Variants in CD84 observed in about 807,000 individuals in gnomAD.
CD84 encodes SLAM family member 5.
In CD84, 22 loss-of-function variants were observed where a neutral mutation model predicts 33.8. The observed-to-expected ratio is 0.65, with a 90% CI of 0.46 to 0.93. The LOEUF (loss-of-function observed/expected upper bound fraction) is 0.93, where lower values mean the gene tolerates loss of function less well. CD84 is among the 40% of genes least tolerant of loss of function. The pLI, the probability that CD84 is intolerant of heterozygous loss-of-function variation, is 0.00. For missense variants in CD84, 400 were observed against 397.6 expected, an observed-to-expected ratio of 1.01 and a Z score of -0.05; for synonymous variants, 154 against 145.2, an observed-to-expected ratio of 1.06 and a Z score of -0.44.
chr1:160,552,737 C>A, intron 4 of CD84: 3 of 1,546,924 alleles, frequency 1.9e-6, no homozygotes, highest in Non-Finnish European at 2.6e-6. Flanking sequence ...CAAGCAGGAA[C>A]CTGAGGAATC....
chr1:160,550,734 C>T (rs754715671), intron 5 of CD84: 729 of 985,204 alleles, frequency 7.4e-4, no homozygotes, highest in Non-Finnish European at 8.4e-4. Flanking sequence ...ATGGAGGCTG[C>T]CATGGGGTGA....
intron 2 of CD84, among the ~76,000 whole-genome samples, chr1:160,558,541 C>T (rs961273988): frequency 1.3e-5 from 2 of 152,054 alleles, no homozygotes; most frequent in African/African-American, 4.8e-5. Context: ...AGAATTAATG[C>T]AAAAATGCTG....
At chr1:160,555,373 G>A (rs79705074) in intron 2 of CD84, among the ~76,000 whole-genome samples, 3 of 151,948 alleles carry the variant, frequency 2.0e-5, no homozygotes, top group Non-Finnish European at 4.4e-5. Flanking sequence ...GTGAGCCACC[G>A]CACCCAGCCA....
At chr1:160,576,898 G>A (rs1465093578) in intron 1 of CD84, among the ~76,000 whole-genome samples, 1 of 152,094 alleles carries the variant, frequency 6.6e-6, no homozygotes, top group African/African-American at 2.4e-5. Context: ...GATAAGACAG[G>A]GAGTTGAAGA....
chr1:160,564,989 T>C (rs141471473), intron 2 of CD84, among the ~76,000 whole-genome samples: 3 of 152,326 alleles, frequency 2.0e-5, no homozygotes, highest in African/African-American at 7.2e-5. Flanking sequence ...TTATGCAAGG[T>C]GTTAACACAG....
At chr1:160,575,946 T>C (rs11265438) in intron 1 of CD84, among the ~76,000 whole-genome samples, 130,187 of 152,150 alleles carry the variant, frequency 0.86, 56,345 homozygotes, top group Non-Finnish European at 0.93. Flanking sequence ...GGAACAGCTT[T>C]CCACCCTCTG....
At chr1:160,559,062 G>C (rs1656783951) in intron 2 of CD84, among the ~76,000 whole-genome samples, 1 of 152,162 alleles carries the variant, frequency 6.6e-6, no homozygotes, top group Admixed American at 6.5e-5. Context: ...CATACTTCAA[G>C]ATATCATCCA....
chr1:160,566,490 A>C (rs926710619), intron 1 of CD84, among the ~76,000 whole-genome samples: 1 of 152,208 alleles, frequency 6.6e-6, no homozygotes, highest in Non-Finnish European at 1.5e-5. Context: ...GTATTTATTC[A>C]GGATCAGTTT....
In CD84 at chr1:160,579,463, G is replaced by T; in HGVS notation, c.-26C>A. ...CTCTTTCAGGGTCTAACCTTCTGTGGAAAAGCACGGCACTGTTCTAGCAGA... is the reference window on the plus strand; with the variant it reads ...CTCTTTCAGGGTCTAACCTTCTGTGTAAAAGCACGGCACTGTTCTAGCAGA... On this transcript the variant is annotated 5_prime_UTR_variant, in exon 1 of 7. Transcript: ENST00000368054. 6.2e-7 allele frequency: 1 copy of T among 1,612,538 alleles called. No homozygotes were observed.
intron 2 of CD84, among the ~76,000 whole-genome samples, chr1:160,561,838 C>A (rs77028689): frequency 3.0e-4 from 46 of 152,096 alleles, no homozygotes; most frequent in African/African-American, 1.0e-3. Flanking sequence ...AATCAATGGG[C>A]AAAAATCACT....
At position 160,565,386 on chromosome 1, in the gene CD84, C is replaced by T. The variant is rs758817272; in HGVS notation, c.388+18G>A. ...AAGTAAAAATAAAACACAAGCTCTCCGTCTTCCCATGACTTACGATAGATT... is the reference window on the plus strand; with the variant it reads ...AAGTAAAAATAAAACACAAGCTCTCTGTCTTCCCATGACTTACGATAGATT... On this transcript the variant is annotated intron_variant, in intron 2 of 6. Coordinates refer to ENST00000368054, the MANE Select transcript of CD84 (RefSeq NM_003874.4). 3.6e-5 allele frequency: 55 copies of T among 1,544,380 alleles called. No individual in the cohort carries two copies. The highest frequency in any genetic ancestry group is 4.6e-5 in the Non-Finnish European group (52 of 1,142,394).
Position 160,553,513 on chromosome 1 carries a change from G to T in CD84, c.641-16C>A, listed in dbSNP as rs757525724. On this transcript the variant is annotated splice_polypyrimidine_tract_variant and intron_variant, in intron 3 of 6. Coordinates refer to ENST00000368054, the MANE Select transcript of CD84 (RefSeq NM_003874.4). ...ATTGCGATGTCTGGAAATAGAAGAT[G>T]CAGTGAGTCTTGATTCTCAGGAAAT... 3.1e-6 allele frequency: 5 copies of T among 1,613,964 alleles called. No individual in the cohort carries two copies. The highest frequency in any genetic ancestry group is 4.2e-6 in the Non-Finnish European group (5 of 1,179,838).
intron 1 of CD84, among the ~76,000 whole-genome samples, chr1:160,573,077 A>G (rs1657792857): frequency 6.6e-6 from 1 of 152,180 alleles, no homozygotes; most frequent in African/African-American, 2.4e-5. Flanking sequence ...TGTACATTTC[A>G]TGGTTAGGCA....
chr1:160,543,601 A>ATTT lies in CD84; in HGVS notation c.*4652_*4654dup, dbSNP rs376327469. The stretch of plus-strand genomic sequence containing the variant: ...TATCTTCAAGGAGCTCTCCATTATT[A>ATTT]TTTATTATTATTATTATTATTATTA... On this transcript the variant is annotated 3_prime_UTR_variant, in exon 7 of 7. Transcript: ENST00000368054. 4 of 48,120 alleles carry ATTT rather than the reference A, an allele frequency of 8.3e-5. No homozygotes were observed. Among genetic ancestry groups the ATTT allele is most frequent in the Admixed American group, 5.4e-4 (3 of 5,590 alleles). The allele number at this position is 48,120 out of a possible 1,614,324, so 3.0% of individuals were successfully genotyped here.
At position 160,553,959 on chromosome 1, in the gene CD84, C is replaced by G. The variant is rs770096210; in HGVS notation, c.576G>C (p.Thr192=). 6 of 1,614,196 alleles carry G rather than the reference C, an allele frequency of 3.7e-6. No homozygotes were observed. Among genetic ancestry groups the G allele is most frequent in the Non-Finnish European group, 4.2e-6 (5 of 1,180,036 alleles). The change falls in exon 3 of 7, where the codon ACG becomes ACC. Residue 192 remains threonine (T), a synonymous_variant. Transcript: ENST00000368054. ...TGCTGACAGGGTTCTGGGCTGTACACGTGTAAGTCAGCTCTTGGTCCTCAG... is the reference window on the plus strand; with the variant it reads ...TGCTGACAGGGTTCTGGGCTGTACAGGTGTAAGTCAGCTCTTGGTCCTCAG... ...QTPEDQELTY[T]CTAQNPVSNN...
intron 5 of CD84, among the ~76,000 whole-genome samples, 174 bp from the exon 6 acceptor site, chr1:160,550,153 G>A (rs763175878): frequency 1.3e-5 from 2 of 151,830 alleles, no homozygotes; most frequent in Non-Finnish European, 2.9e-5. Flanking sequence ...GATCAGGAAG[G>A]GATAAGGTGG....
At chr1:160,579,263 A>C in intron 1 of CD84, 129 bp downstream of exon 1, 1 of 1,257,102 alleles carries the variant, frequency 8.0e-7, no homozygotes, top group Non-Finnish European at 1.1e-6. Flanking sequence ...CCTGTTGAGT[A>C]CAGTAGATAC....
At chr1:160,574,814 A>G (rs1369446470) in intron 1 of CD84, among the ~76,000 whole-genome samples, 2 of 152,134 alleles carry the variant, frequency 1.3e-5, no homozygotes, top group African/African-American at 2.4e-5. Flanking sequence ...ACAATATTTG[A>G]CCTCATAAAA....
In CD84 at chr1:160,554,038, T is replaced by C; in HGVS notation, c.497A>G (p.Tyr166Cys). ...SVEKEEKNVT[Y>C]NWSPLGEEGN... The stretch of plus-strand genomic sequence containing the variant: ...CTCTTCTCCCAGGGGACTCCAATTG[T>C]ATGTCACATTCTTTTCTTCTTTCTC... The change falls in exon 3 of 7, where the codon TAC becomes TGC. Residue 166 changes from tyrosine (Y) to cysteine (C), a missense_variant. Coordinates refer to ENST00000368054, the MANE Select transcript of CD84 (RefSeq NM_003874.4). 6.2e-7 allele frequency: 1 copy of C among 1,614,228 alleles called. No homozygotes were observed. The highest frequency in any genetic ancestry group is 8.5e-7 in the Non-Finnish European group (1 of 1,180,040).
Sources: allele counts gnomAD v4.1 joint callset (sites outside exome capture counted in the v4.1 genomes callset), GRCh38; gene constraint gnomAD v4.1.1; transcripts MANE v1.5; gene names NCBI Gene and HGNC (gene_info 2026-07-23, HGNC 2026-07-21).